The following ADGRG7 variants were observed in gnomAD, a reference collection of about 807,000 sequenced individuals.
ADGRG7 encodes adhesion G protein-coupled receptor G7.
Under a neutral mutation model 88.6 loss-of-function variants are expected in ADGRG7, and 82 were observed. The ratio of observed to expected loss-of-function variants is 0.93; its 90% CI spans 0.77 to 1.11. The LOEUF is 1.11. ADGRG7 is among the 50% of genes most tolerant of loss of function. The pLI is 0.00. For missense variants in ADGRG7, 945 were observed against 953.4 expected (o/e 0.99, Z 0.12); for synonymous variants, 381 against 345.2 (o/e 1.10, Z -1.15).
At chr3:100,660,493 G>A (rs928392190) in intron 14 of ADGRG7, among the ~76,000 whole-genome samples, 13 of 151,864 alleles carry the variant, frequency 8.6e-5, no homozygotes, top group South Asian at 2.1e-4. Flanking sequence ...TTTTTATAGC[G>A]ATATAGTCTC....
intron 1 of ADGRG7, among the ~76,000 whole-genome samples, chr3:100,613,584 T>C (rs1707186349): frequency 6.6e-6 from 1 of 152,072 alleles, no homozygotes; most frequent in Non-Finnish European, 1.5e-5. Context: ...TTAAAATAAA[T>C]TTATTCCAGT....
intron 14 of ADGRG7, chr3:100,665,303 A>G (rs2094950359): frequency 1.8e-6 from 1 of 540,728 alleles, no homozygotes; most frequent in African/African-American, 1.9e-5. Context: ...CAGGTAGTTC[A>G]TCTTTAAGTT....
At chr3:100,688,888 T>C (rs906860444) in intron 15 of ADGRG7, among the ~76,000 whole-genome samples, 1 of 152,202 alleles carries the variant, frequency 6.6e-6, no homozygotes, top group Non-Finnish European at 1.5e-5. Context: ...AGATGTCTAT[T>C]AGGTCCACTT....
intron 15 of ADGRG7, among the ~76,000 whole-genome samples, chr3:100,672,744 T>A (rs1435208796): frequency 6.6e-6 from 1 of 152,178 alleles, no homozygotes; most frequent in Non-Finnish European, 1.5e-5. Context: ...AATACCTAGT[T>A]TATTGAGAAG....
chr3:100,624,856 T>G (rs1280762436), intron 1 of ADGRG7, among the ~76,000 whole-genome samples: 1 of 152,116 alleles, frequency 6.6e-6, no homozygotes, highest in East Asian at 1.9e-4. Context: ...AGATGTGTGG[T>G]GTTATTTCTG....
intron 13 of ADGRG7, among the ~76,000 whole-genome samples, chr3:100,656,869 A>G (rs2094938436): frequency 6.6e-6 from 1 of 152,190 alleles, no homozygotes; most frequent in Admixed American, 6.5e-5. Flanking sequence ...ATGCTCCCAG[A>G]TACTACGTTT....
At chr3:100,667,343 A>G (rs2094953153) in intron 14 of ADGRG7, among the ~76,000 whole-genome samples, 1 of 152,050 alleles carries the variant, frequency 6.6e-6, no homozygotes, top group Non-Finnish European at 1.5e-5. Flanking sequence ...CCCACCACTG[A>G]CAGGCCCCAG....
Position 100,692,661 on chromosome 3 carries a change from A to G in ADGRG7, c.2137-2083A>G, listed in dbSNP as rs1036717118. On this transcript the variant is annotated intron_variant, in intron 15 of 15. Transcript: ENST00000273352. ...TTATTCAGCTTTACCATTGATTCCT[A>G]TGATTATAGGAAAATCACATAACCT... is the stretch of plus-strand genomic sequence containing the variant. Among the ~76,000 whole-genome samples, 7 of 152,358 alleles carry G rather than the reference A, an allele frequency of 4.6e-5. No homozygotes were observed. The South Asian group carries it at 6.2e-4, about 14-fold the overall frequency.
intron 10 of ADGRG7, 119 bp from the exon 11 acceptor site, chr3:100,649,576 A>C (rs1444404727): frequency 1.4e-5 from 8 of 581,372 alleles, no homozygotes; most frequent in Non-Finnish European, 2.4e-5. Flanking sequence ...AGCTTTACAA[A>C]AGGAAGATAT....
In ADGRG7 at chr3:100,668,948, G is replaced by A; in HGVS notation, c.1980-1G>A. 1 of 1,576,962 alleles carries A rather than the reference G, an allele frequency of 6.3e-7. No individual in the cohort carries two copies. ...TATTTTTCTTGTTTTCTTTCACCTA[G>A]CACAAAAAAAGTTTCATCCATGAAG... is the stretch of plus-strand genomic sequence containing the variant. On this transcript the variant is annotated splice_acceptor_variant, in intron 14 of 15. Transcript: ENST00000273352. LOFTEE classifies it high-confidence loss of function.
At chr3:100,687,310 T>C (rs1295370979) in intron 15 of ADGRG7, among the ~76,000 whole-genome samples, 4 of 152,350 alleles carry the variant, frequency 2.6e-5, no homozygotes, top group East Asian at 3.9e-4. Context: ...TATACAATCA[T>C]GTCATCTGCA....
intron 6 of ADGRG7, among the ~76,000 whole-genome samples, chr3:100,639,576 G>A (rs1048125158): frequency 9.2e-5 from 14 of 152,166 alleles, no homozygotes; most frequent in South Asian, 2.1e-4. Context: ...ATATGAGAAG[G>A]AAGTGGCCAT....
chr3:100,632,029 ATACT>A (rs555377845), intron 3 of ADGRG7, among the ~76,000 whole-genome samples: 211 of 152,244 alleles, frequency 1.4e-3, no homozygotes, highest in South Asian at 3.5e-3. Context: ...ATACCATACT[ATACT>A]ATATGGTATG....
chr3:100,678,661 G>T (rs969316934), intron 15 of ADGRG7, among the ~76,000 whole-genome samples: 1 of 152,166 alleles, frequency 6.6e-6, no homozygotes, highest in Admixed American at 6.5e-5. Context: ...TGCTTTAGGG[G>T]GCACCCCAAG....
rs1192498442 is a variant in ADGRG7, at chr3:100,643,784, A to G, written c.946+151A>G. On this transcript the variant is annotated intron_variant, in intron 8 of 15. Coordinates refer to ENST00000273352, the MANE Select transcript of ADGRG7 (RefSeq NM_032787.3). ...GTTTGAGCTCTGACATATTATGGTAATCTCAACTCTACTATTCTAAGTCAA... is the reference window on the plus strand; with the variant it reads ...GTTTGAGCTCTGACATATTATGGTAGTCTCAACTCTACTATTCTAAGTCAA... The G allele has an allele frequency of 1.2e-5, 7 of 588,732 alleles. No homozygotes were observed. The South Asian group carries it at 1.4e-4, about 12-fold the overall frequency. 36.5% of individuals were successfully genotyped at this position (588,732 alleles called of 1,614,324 possible).
chr3:100,690,884 C>T (rs922605354), intron 15 of ADGRG7, among the ~76,000 whole-genome samples: 2 of 152,224 alleles, frequency 1.3e-5, no homozygotes, highest in African/African-American at 4.8e-5. Context: ...AACCACTACT[C>T]TCTTCAAAGC....
intron 8 of ADGRG7, among the ~76,000 whole-genome samples, chr3:100,645,400 A>G (rs1448322014): frequency 6.6e-6 from 1 of 152,188 alleles, no homozygotes; most frequent in African/African-American, 2.4e-5. Context: ...AGTTGAAGAG[A>G]TGGTGAAGAG....
At chr3:100,664,299 A>G (rs1156791915) in intron 14 of ADGRG7, among the ~76,000 whole-genome samples, 1 of 152,174 alleles carries the variant, frequency 6.6e-6, no homozygotes, top group East Asian at 1.9e-4. Context: ...GCGGTGCTTT[A>G]TAAATGAAGT....
chr3:100,646,624 C>T lies in ADGRG7; in HGVS notation c.1166C>T (p.Ser389Leu), dbSNP rs1326755062. The change falls in exon 10 of 16, where the codon TCA (serine) becomes TTA (leucine). Residue 389 changes from serine to leucine, a missense_variant. By Grantham distance (145) the Ser-to-Leu change is moderately radical. Transcript: ENST00000273352. The stretch of plus-strand genomic sequence containing the variant: ...TATGCCTGTGTCTATTGGAATTTGT[C>T]AGCGAAGGACTGGGACACATATGGC... ...YSYACVYWNL[S>L]AKDWDTYGCQ... 2.5e-6 allele frequency: 4 copies of T among 1,613,898 alleles called. No homozygotes were observed. The highest frequency in any genetic ancestry group is 2.5e-6 in the Non-Finnish European group (3 of 1,179,924).
Sources: allele counts gnomAD v4.1 joint callset (sites outside exome capture counted in the v4.1 genomes callset), GRCh38; gene constraint gnomAD v4.1.1; transcripts MANE v1.5; gene names NCBI Gene and HGNC (gene_info 2026-07-23, HGNC 2026-07-21).